The following CD8B variants were observed in gnomAD, a reference collection of about 807,000 sequenced individuals.
CD8B encodes CD8 subunit beta.
CD8B carries 6 observed loss-of-function variants against 24.2 expected under a neutral mutation model. That is an observed-to-expected ratio of 0.25 (90% CI 0.14 to 0.49). The LOEUF is 0.49. CD8B is among the 20% of genes least tolerant of loss of function. The probability of loss-of-function intolerance (pLI) is 0.98; values close to 1 mark genes in which losing one functional copy is unlikely to be tolerated. For missense variants in CD8B, 196 were observed against 271.3 expected (o/e 0.72, Z 1.95); for synonymous variants, 84 against 108.3 (o/e 0.78, Z 1.39).
At chr2:86,860,482 A>T (rs1008843033) in intron 1 of CD8B, among the ~76,000 whole-genome samples, 2 of 152,148 alleles carry the variant, frequency 1.3e-5, no homozygotes, top group Non-Finnish European at 2.9e-5. Context: ...TGTGCCTGGC[A>T]TGGCGCATAC....
chr2:86,816,139 T>C (rs974739113), intron 5 of CD8B, among the ~76,000 whole-genome samples: 1 of 152,202 alleles, frequency 6.6e-6, no homozygotes, highest in Non-Finnish European at 1.5e-5. Flanking sequence ...TTTTCTGCCA[T>C]TTGGAATCAA....
Position 86,853,377 on chromosome 2 carries a change from G to A in CD8B, c.404-291C>T, listed in dbSNP as rs575455391. On this transcript the variant is annotated intron_variant, in intron 2 of 5. Transcript: ENST00000390655. ...GGATCACCTGAGCTTGGGAAGTCAAGGCTGAAGTGAGCCATGATCATGCAA... is the reference window on the plus strand; with the variant it reads ...GGATCACCTGAGCTTGGGAAGTCAAAGCTGAAGTGAGCCATGATCATGCAA... Among the ~76,000 whole-genome samples, 144 of 152,182 alleles carry A rather than the reference G, an allele frequency of 9.5e-4. 3 individuals carry two copies. The South Asian group carries it at 0.022, about 23-fold the overall frequency.
Position 86,842,249 on chromosome 2 carries a change from C to T in CD8B, c.*58G>A, listed in dbSNP as rs1273439498. ...TGTCCCTTCTCTCATTTTTCCACAT[C>T]GTGCTCGTTACTGACCGATGTCTTT... On this transcript the variant is annotated 3_prime_UTR_variant, in exon 6 of 6. Coordinates refer to ENST00000390655, the MANE Select transcript of CD8B (RefSeq NM_004931.5). 10 of 1,533,424 alleles carry T rather than the reference C, an allele frequency of 6.5e-6. No homozygotes were observed. The highest frequency in any genetic ancestry group is 2.1e-5 in the Admixed American group (1 of 47,178). 95.0% of individuals were successfully genotyped at this position (1,533,424 alleles called of 1,614,324 possible).
rs1470204760 is a variant in CD8B at position 86,840,887 on chromosome 2, TCTTTC to T, written c.*1415_*1419del. ...TCACACTGCCCCTTCCCCAGAGTCG[TCTTTC>T]CTTTCCTGTTTTTTTTGTAACATTT... is the stretch of plus-strand genomic sequence containing the variant. On this transcript the variant is annotated 3_prime_UTR_variant, in exon 6 of 6. Transcript: ENST00000390655. Among the ~76,000 whole-genome samples, 2 of 152,288 alleles carry T rather than the reference TCTTTC, an allele frequency of 1.3e-5. No individual in the cohort carries two copies. The highest frequency in any genetic ancestry group is 1.9e-4 in the East Asian group (1 of 5,178).
intron 5 of CD8B, 124 bp from the exon 6 acceptor site, chr2:86,842,443 T>C (rs1302554883): frequency 2.6e-5 from 34 of 1,293,992 alleles, no homozygotes; most frequent in Non-Finnish European, 3.5e-5. Context: ...GGGCCGAGAG[T>C]TTTTTGTTAG....
intron 1 of CD8B, among the ~76,000 whole-genome samples, chr2:86,860,848 G>A (rs1676545505): frequency 1.3e-5 from 2 of 152,166 alleles, no homozygotes; most frequent in African/African-American, 4.8e-5. Flanking sequence ...GCTCTTCCCG[G>A]GGCCCACTTG....
At chr2:86,853,536 G>T (rs889973065) in intron 2 of CD8B, among the ~76,000 whole-genome samples, 31 of 152,094 alleles carry the variant, frequency 2.0e-4, no homozygotes, top group African/African-American at 6.5e-4. Context: ...GGGCTTGAAG[G>T]TCACAGAGCA....
At chr2:86,816,396 A>G (rs75423781) in intron 5 of CD8B, among the ~76,000 whole-genome samples, 1,903 of 152,360 alleles carry the variant, frequency 0.012, 37 homozygotes, top group African/African-American at 0.042. Context: ...GTGCATTCAA[A>G]ATGCCAACCA....
chr2:86,850,724 G>T (rs557814440), intron 3 of CD8B, among the ~76,000 whole-genome samples: 2 of 152,074 alleles, frequency 1.3e-5, no homozygotes, highest in Non-Finnish European at 2.9e-5. Context: ...ACACACATCC[G>T]GGTTATTCTT....
At position 86,856,222 on chromosome 2, in the gene CD8B, C is replaced by G. The variant is rs148925156; in HGVS notation, c.403+1835G>C. ...GGGAGGGGTTTGGGGTTTGGAAACA[C>G]GGAAGTCAGGAGTGAGTGCGGTTGG... On this transcript the variant is annotated intron_variant, in intron 2 of 5. Coordinates refer to ENST00000390655, the MANE Select transcript of CD8B (RefSeq NM_004931.5). Among the ~76,000 whole-genome samples the G allele has an allele frequency of 1.6e-3, 242 of 152,222 alleles. 3 individuals carry two copies. In the East Asian group the frequency reaches 0.044, roughly 28 times the overall value.
chr2:86,854,806 GA>G (rs66503069), intron 2 of CD8B, among the ~76,000 whole-genome samples: 36,923 of 145,022 alleles, frequency 0.25, 5,048 homozygotes, highest in East Asian at 0.56. Flanking sequence ...CAGGGGGACA[GA>G]AAAAAAAAAA....
At position 86,846,925 on chromosome 2, in the gene CD8B, G is replaced by GTCTTTTTTTTTTTTTTTTTTTTTTT. The variant is rs1285464744; in HGVS notation, c.494-153_494-152insAAAAAAAAAAAAAAAAAAAAAAAGA. On this transcript the variant is annotated intron_variant, in intron 3 of 5. Coordinates refer to ENST00000390655, the MANE Select transcript of CD8B (RefSeq NM_004931.5). ...TTCGATGTAATGTATTTTTCCTCAA[G>GTCTTTTTTTTTTTTTTTTTTTTTTT]TATTTTTTTTTTTTTTTTTTTTTTT... 1.7e-5 allele frequency: 3 copies of GTCTTTTTTTTTTTTTTTTTTTTTTT among 176,724 alleles called. 1 individual carries two copies. The highest frequency in any genetic ancestry group is 1.2e-4 in the South Asian group (2 of 16,488). The allele number at this position is 176,724 out of a possible 1,614,324, so 10.9% of individuals were successfully genotyped here.
chr2:86,823,160 T>G (rs553414752), intron 5 of CD8B, among the ~76,000 whole-genome samples: 1 of 152,270 alleles, frequency 6.6e-6, no homozygotes, highest in South Asian at 2.1e-4. Flanking sequence ...AGGTAACCGC[T>G]ATGATATTTT....
Position 86,853,196 on chromosome 2 carries a change from A to G in CD8B, c.404-110T>C, listed in dbSNP as rs1214179079. 2.0e-6 allele frequency: 3 copies of G among 1,521,966 alleles called. No individual in the cohort carries two copies. In the African/African-American group the frequency reaches 4.2e-5, roughly 21 times the overall value. 94.3% of individuals were successfully genotyped at this position (1,521,966 alleles called of 1,614,324 possible). A position where few individuals can be genotyped will look rare whatever the true frequency, so the allele number is the denominator to read the frequency against. ...GGTGGCTCATGCCTGGAATCCCAAC[A>G]CTTCCGGAGGCCAAGGCAGGAGATC... On this transcript the variant is annotated intron_variant, in intron 2 of 5. Transcript: ENST00000390655.
At chr2:86,825,966 C>G (rs1387500999) in intron 5 of CD8B, among the ~76,000 whole-genome samples, 2 of 152,076 alleles carry the variant, frequency 1.3e-5, no homozygotes, top group Non-Finnish European at 2.9e-5. Flanking sequence ...AATGTGCAGA[C>G]CTCCGCCACT....
rs763037469 is a variant in CD8B at position 86,815,734 on chromosome 2, A to G, written c.621-16T>C. ...CCCTTGAGGCCTTGCAAAAAGAAAAACAAGAGAGTCTCAATACATGCACCA... is the reference window on the plus strand; with the variant it reads ...CCCTTGAGGCCTTGCAAAAAGAAAAGCAAGAGAGTCTCAATACATGCACCA... On this transcript the variant is annotated splice_polypyrimidine_tract_variant and intron_variant, in intron 5 of 5. Coordinates refer to the CD8B transcript ENST00000331469. 2.2e-6 allele frequency: 3 copies of G among 1,366,836 alleles called. No individual in the cohort carries two copies. The Admixed American group carries it at 5.0e-5, about 23-fold the overall frequency. 84.7% of individuals were successfully genotyped at this position (1,366,836 alleles called of 1,614,324 possible). A position where few individuals can be genotyped will look rare whatever the true frequency, so the allele number is the denominator to read the frequency against.
At chr2:86,861,746 A>T in intron 1 of CD8B, 77 bp downstream of exon 1, 2 of 1,111,892 alleles carry the variant, frequency 1.8e-6, no homozygotes, top group Non-Finnish European at 2.3e-6. Flanking sequence ...GACCAGGGCC[A>T]GGACAGCCAC....
chr2:86,857,916 A>G (rs1467571152), intron 2 of CD8B, 141 bp downstream of exon 2: 56 of 908,814 alleles, frequency 6.2e-5, no homozygotes, highest in Non-Finnish European at 7.9e-5. Flanking sequence ...AAGTCTCCAC[A>G]TGTTCTTTCT....
intron 5 of CD8B, among the ~76,000 whole-genome samples, chr2:86,831,900 G>A (rs1027331851): frequency 6.6e-6 from 1 of 152,212 alleles, no homozygotes; most frequent in Non-Finnish European, 1.5e-5. Flanking sequence ...AAACAAAACA[G>A]TGAAAAGAAT....
Sources: allele counts gnomAD v4.1 joint callset (sites outside exome capture counted in the v4.1 genomes callset), GRCh38; gene constraint gnomAD v4.1.1; transcripts MANE v1.5; gene names NCBI Gene and HGNC (gene_info 2026-07-23, HGNC 2026-07-21).